FAF1: variants seen among roughly 807,000 people sequenced by gnomAD.
The protein encoded by FAF1 is Fas associated factor 1.
In FAF1, 25 loss-of-function variants were observed where a neutral mutation model predicts 92.5. The observed-to-expected ratio is 0.27, with a 90% confidence interval of 0.20 to 0.38. The LOEUF (loss-of-function observed/expected upper bound fraction) is 0.38. FAF1 is among the 10% of genes least tolerant of loss of function. The probability of loss-of-function intolerance (pLI) is 1.00; values close to 1 mark genes in which losing one functional copy is unlikely to be tolerated. For missense variants in FAF1, 636 were observed against 793.3 expected (o/e 0.80, Z 2.38); for synonymous variants, 234 against 273.2 (o/e 0.86, Z 1.42).
chr1:50,688,152 T>TAAATAA (rs1656756809), intron 7 of FAF1, among the ~76,000 whole-genome samples: 1 of 149,590 alleles, frequency 6.7e-6, no homozygotes, highest in African/African-American at 2.5e-5. Context: ...AATAAATAAA[T>TAAATAA]AAATAAAAAT....
chr1:50,462,531 T>TC (rs1646445364), intron 18 of FAF1, among the ~76,000 whole-genome samples: 1 of 152,140 alleles, frequency 6.6e-6, no homozygotes, highest in South Asian at 2.1e-4. Context: ...CAACAACTCC[T>TC]CCCCTTTTTA....
At chr1:50,529,263 T>C (rs1331383501) in intron 15 of FAF1, among the ~76,000 whole-genome samples, 1 of 152,212 alleles carries the variant, frequency 6.6e-6, no homozygotes, top group Non-Finnish European at 1.5e-5. Flanking sequence ...GCTAAGAATA[T>C]AATTGACTTA....
At chr1:50,833,692 G>A (rs975453389) in intron 2 of FAF1, among the ~76,000 whole-genome samples, 1 of 151,596 alleles carries the variant, frequency 6.6e-6, no homozygotes, top group Admixed American at 6.6e-5. Context: ...GCTATCTAGA[G>A]GCCCACCAAG....
At chr1:50,637,661 T>A (rs561430566) in intron 8 of FAF1, among the ~76,000 whole-genome samples, 1 of 145,630 alleles carries the variant, frequency 6.9e-6, no homozygotes, top group Non-Finnish European at 1.5e-5. Flanking sequence ...TGACTCACTC[T>A]GTGGCTCACA....
chr1:50,669,048 A>T (rs960836066), intron 7 of FAF1, among the ~76,000 whole-genome samples: 6 of 152,174 alleles, frequency 3.9e-5, no homozygotes, highest in Non-Finnish European at 5.9e-5. Context: ...AGTGCTACAC[A>T]CAGTATACCC....
Position 50,846,662 on chromosome 1 carries a change from G to A in FAF1, c.114+11267C>T, listed in dbSNP as rs187428134. ...GCACAACAGAGGCGGGTATTTCCTG[G>A]TGAATTTTTATGCACCAACCACAAC... On this transcript the variant is annotated intron_variant, in intron 2 of 18. Coordinates refer to ENST00000396153, the MANE Select transcript of FAF1 (RefSeq NM_007051.3). 2.3e-3 allele frequency: 1,244 copies of A among 549,422 alleles called. 6 individuals are homozygous for A. Among genetic ancestry groups the A allele is most frequent in the Non-Finnish European group, 3.2e-3 (915 of 281,568 alleles). 34.0% of individuals were successfully genotyped at this position (549,422 alleles called of 1,614,324 possible). A position where few individuals can be genotyped will look rare whatever the true frequency, so the allele number is the denominator to read the frequency against.
At chr1:50,747,593 C>T (rs566919539) in intron 4 of FAF1, among the ~76,000 whole-genome samples, 1 of 152,246 alleles carries the variant, frequency 6.6e-6, no homozygotes, top group Admixed American at 6.5e-5. Context: ...CTTTGGACTT[C>T]TGAGTTAGTG....
chr1:50,867,540 T>C (rs1644491984), intron 1 of FAF1, among the ~76,000 whole-genome samples: 1 of 151,898 alleles, frequency 6.6e-6, no homozygotes, highest in South Asian at 2.1e-4. Context: ...TAGACAATTC[T>C]CAAAAGAAGA....
chr1:50,708,941 G>A (rs534454419), intron 6 of FAF1, among the ~76,000 whole-genome samples: 5 of 152,332 alleles, frequency 3.3e-5, no homozygotes, highest in East Asian at 1.9e-4. Context: ...TGAAGGCTGC[G>A]TGAGAGAAGT....
At chr1:50,956,713 C>A (rs1393814723) in intron 1 of FAF1, among the ~76,000 whole-genome samples, 1 of 152,098 alleles carries the variant, frequency 6.6e-6, no homozygotes, top group South Asian at 2.1e-4. Context: ...CTTTGGGAGG[C>A]CAAGGCAGGT....
chr1:50,705,810 G>C lies in FAF1; in HGVS notation c.633C>G (p.Phe211Leu), dbSNP rs768072644. Residue 211 changes from phenylalanine (F) to leucine (L), a missense_variant, in exon 7 of 19, where the codon TTC becomes TTG. By Grantham distance (22) the Phe-to-Leu change is conservative (BLOSUM62 0). Coordinates refer to ENST00000396153, the MANE Select transcript of FAF1 (RefSeq NM_007051.3). ...CCTCTTGAATAGTACTGCTTCCTGA[G>C]AAGTTCAGGTTGTACTCCCGCTGGA... Reference protein sequence around the residue: ...REVQREYNLNFSGSSTIQEVK... With the variant: ...REVQREYNLNLSGSSTIQEVK... The C allele has an allele frequency of 6.2e-7, 1 of 1,607,444 alleles. No homozygotes were observed. The highest frequency in any genetic ancestry group is 1.1e-5 in the South Asian group (1 of 90,930).
intron 1 of FAF1, among the ~76,000 whole-genome samples, chr1:50,878,588 T>C (rs1486221517): frequency 6.6e-6 from 1 of 152,220 alleles, no homozygotes; most frequent in Admixed American, 6.5e-5. Context: ...TTTGGTATCC[T>C]CACCATAAAA....
At chr1:50,748,264 G>A (rs1659707355) in intron 4 of FAF1, among the ~76,000 whole-genome samples, 1 of 152,170 alleles carries the variant, frequency 6.6e-6, no homozygotes, top group Non-Finnish European at 1.5e-5. Flanking sequence ...GGGAGGCCAA[G>A]GCAGGCAGAT....
At chr1:50,734,393 T>G (rs1284858683) in intron 6 of FAF1, among the ~76,000 whole-genome samples, 4 of 152,186 alleles carry the variant, frequency 2.6e-5, no homozygotes, top group African/African-American at 9.7e-5. Context: ...ATCAGCATCT[T>G]GGTTAGAATA....
At chr1:50,484,055 C>G (rs56298082) in intron 17 of FAF1, among the ~76,000 whole-genome samples, 1 of 151,890 alleles carries the variant, frequency 6.6e-6, no homozygotes, top group Non-Finnish European at 1.5e-5. Context: ...GGGAGTCAAA[C>G]GTATAGACAA....
At chr1:50,599,140 C>A (rs1651975679) in intron 8 of FAF1, among the ~76,000 whole-genome samples, 1 of 151,998 alleles carries the variant, frequency 6.6e-6, no homozygotes, top group African/African-American at 2.4e-5. Context: ...TGAGAGGGAA[C>A]CTCGCTCTGT....
chr1:50,738,829 C>T (rs1354588317), intron 6 of FAF1, 34 bp downstream of exon 6: 1 of 1,370,910 alleles, frequency 7.3e-7, no homozygotes, highest in Non-Finnish European at 1.0e-6. Flanking sequence ...CTGAGTTTTT[C>T]ATTTCATGTT....
At chr1:50,569,453 T>C (rs1650327389) in intron 12 of FAF1, among the ~76,000 whole-genome samples, 1 of 152,192 alleles carries the variant, frequency 6.6e-6, no homozygotes, top group Non-Finnish European at 1.5e-5. Flanking sequence ...TCAGTTTTAG[T>C]AAATGAATCA....
At chr1:50,783,455 A>C (rs1052690626) in intron 4 of FAF1, among the ~76,000 whole-genome samples, 1 of 152,260 alleles carries the variant, frequency 6.6e-6, no homozygotes, top group African/African-American at 2.4e-5. Flanking sequence ...AAAGATCCTC[A>C]ACAAAATATT....
Sources: gnomAD v4.1 joint callset for allele counts (sites outside exome capture counted in the v4.1 genomes callset) on GRCh38, gnomAD v4.1.1 for gene constraint, MANE v1.5 for transcripts, NCBI Gene and HGNC (gene_info 2026-07-23, HGNC 2026-07-21) for gene names.